The following RARB variants were observed in gnomAD, a reference collection of about 807,000 sequenced individuals.
RARB encodes the protein HBV-activated protein.
In RARB, 17 loss-of-function variants were observed where a neutral mutation model predicts 51.9. The observed-to-expected ratio is 0.33, with a 90% CI of 0.22 to 0.49. RARB has a LOEUF of 0.49. Ranked by LOEUF, RARB falls within the 20% of genes least tolerant of loss-of-function variation. The pLI, the probability that RARB is intolerant of heterozygous loss-of-function variation, is 0.99. For synonymous variants in RARB, 215 were observed against 195.4 expected (o/e 1.10, Z -0.84); for missense variants, 369 against 550.8 (o/e 0.67, Z 3.30).
At chr3:24,868,325 C>A (rs1462483249) in intron 2 of RARB, among the ~76,000 whole-genome samples, 2 of 152,044 alleles carry the variant, frequency 1.3e-5, no homozygotes, top group Non-Finnish European at 2.9e-5. Context: ...ACAAATGATG[C>A]CAAACTTACT....
At chr3:25,573,377 C>T (rs986833107) in intron 4 of RARB, among the ~76,000 whole-genome samples, 1 of 152,238 alleles carries the variant, frequency 6.6e-6, no homozygotes, top group African/African-American at 2.4e-5. Flanking sequence ...GGCCCACCCT[C>T]CTAAACACAT....
intron 3 of RARB, among the ~76,000 whole-genome samples, chr3:25,552,486 G>T (rs185721513): frequency 1.3e-5 from 2 of 152,036 alleles, no homozygotes; most frequent in Non-Finnish European, 2.9e-5. Context: ...GAACATTCTC[G>T]TGCCAGTGGC....
chr3:25,178,884 T>C (rs1358949683), intron 5 of RARB, among the ~76,000 whole-genome samples: 1 of 152,242 alleles, frequency 6.6e-6, no homozygotes, highest in African/African-American at 2.4e-5. Flanking sequence ...TCTCTCTTTA[T>C]GTTCCTTTCA....
At chr3:25,553,549 A>G (rs577075201) in intron 3 of RARB, among the ~76,000 whole-genome samples, 1 of 152,324 alleles carries the variant, frequency 6.6e-6, no homozygotes, top group East Asian at 1.9e-4. Flanking sequence ...ATCACCAAAA[A>G]AACCAGTCAT....
chr3:25,415,705 C>T (rs921803263), intron 5 of RARB, among the ~76,000 whole-genome samples: 1 of 152,160 alleles, frequency 6.6e-6, no homozygotes, highest in Admixed American at 6.5e-5. Flanking sequence ...ATTCTAATTG[C>T]CTTACAACAG....
intron 5 of RARB, among the ~76,000 whole-genome samples, chr3:25,308,020 C>G (rs185620574): frequency 6.6e-6 from 1 of 152,164 alleles, no homozygotes; most frequent in African/African-American, 2.4e-5. Context: ...GTTTGCCAAT[C>G]CCTGCCCTGT....
chr3:25,512,615 C>G (rs1367363874), intron 3 of RARB, among the ~76,000 whole-genome samples: 1 of 152,232 alleles, frequency 6.6e-6, no homozygotes, highest in Non-Finnish European at 1.5e-5. Context: ...CTGCTGTTCT[C>G]TCTGCCTGCA....
chr3:24,908,819 A>G (rs1694928801), intron 2 of RARB, among the ~76,000 whole-genome samples: 1 of 152,104 alleles, frequency 6.6e-6, no homozygotes, highest in South Asian at 2.1e-4. Flanking sequence ...CATACCTAGT[A>G]GACTCACTGC....
At chr3:25,263,871 G>A (rs578038580) in intron 5 of RARB, among the ~76,000 whole-genome samples, 1 of 152,146 alleles carries the variant, frequency 6.6e-6, no homozygotes, top group African/African-American at 2.4e-5. Flanking sequence ...AACAAATTCT[G>A]TGTCTTCTCA....
At chr3:25,060,044 T>C (rs1698517969) in intron 2 of RARB, 1 of 151,802 alleles carries the variant, frequency 6.6e-6, no homozygotes, top group South Asian at 2.1e-4. Flanking sequence ...GAAAATTGAA[T>C]AGCCGTGTTA....
intron 5 of RARB, among the ~76,000 whole-genome samples, chr3:25,327,022 A>G (rs140535750): frequency 6.6e-6 from 1 of 151,700 alleles, no homozygotes; most frequent in African/African-American, 2.4e-5. Flanking sequence ...CCGGTGTGTG[A>G]TGTTCCCCTT....
intron 3 of RARB, among the ~76,000 whole-genome samples, chr3:25,096,993 C>A (rs1199748771): frequency 6.6e-6 from 1 of 152,036 alleles, no homozygotes; most frequent in East Asian, 1.9e-4. Flanking sequence ...TTCTGATAGC[C>A]AAGAATAAAA....
intron 3 of RARB, among the ~76,000 whole-genome samples, chr3:25,538,065 A>G (rs771387900): frequency 2.6e-4 from 40 of 152,222 alleles, no homozygotes; most frequent in Admixed American, 5.2e-4. Context: ...TAGATTTAAA[A>G]TCAACAATGA....
intron 2 of RARB, among the ~76,000 whole-genome samples, chr3:24,921,628 C>A (rs751285804): frequency 6.6e-6 from 1 of 151,880 alleles, no homozygotes; most frequent in Non-Finnish European, 1.5e-5. Flanking sequence ...GCGAGGAGGT[C>A]CCCCCCATCT....
intron 5 of RARB, among the ~76,000 whole-genome samples, chr3:25,367,185 G>A (rs1706147735): frequency 6.6e-6 from 1 of 152,156 alleles, no homozygotes; most frequent in African/African-American, 2.4e-5. Context: ...GCTTATCAAT[G>A]TTTACTTGAA....
chr3:25,082,359 T>A, intron 3 of RARB, among the ~76,000 whole-genome samples: 1 of 152,118 alleles, frequency 6.6e-6, no homozygotes, highest in East Asian at 1.9e-4. Context: ...TTGTTAGGAT[T>A]AATTCTTCTT....
intron 4 of RARB, among the ~76,000 whole-genome samples, chr3:25,158,019 T>C (rs186194008): frequency 4.6e-5 from 7 of 152,366 alleles, no homozygotes; most frequent in Admixed American, 3.9e-4. Flanking sequence ...AGAATGCACG[T>C]GTATAAATAG....
At chr3:25,111,726 C>T (rs1408653615) in intron 3 of RARB, among the ~76,000 whole-genome samples, 1 of 151,550 alleles carries the variant, frequency 6.6e-6, no homozygotes, top group African/African-American at 2.4e-5. Context: ...TTACAGGCAC[C>T]CGCCACCATG....
chr3:25,037,144 T>G (rs1698013924), intron 2 of RARB, among the ~76,000 whole-genome samples: 1 of 152,196 alleles, frequency 6.6e-6, no homozygotes, highest in Admixed American at 6.5e-5. Flanking sequence ...TCAGATTGTT[T>G]GGACTGTAGA....
Sources: gnomAD v4.1 joint callset for allele counts (sites outside exome capture counted in the v4.1 genomes callset) on GRCh38, gnomAD v4.1.1 for gene constraint, MANE v1.5 for transcripts, NCBI Gene and HGNC (gene_info 2026-07-23, HGNC 2026-07-21) for gene names.